The following TENM2 variants were observed in gnomAD, a reference collection of about 807,000 sequenced individuals.
TENM2 encodes the protein teneurin-2.
Under a neutral mutation model 245.2 loss-of-function variants are expected in TENM2, and 52 were observed. The ratio of observed to expected loss-of-function variants is 0.21; its 90% CI spans 0.17 to 0.27. The LOEUF is 0.27. Ranked by LOEUF, TENM2 falls within the 10% of genes least tolerant of loss-of-function variation. The probability of loss-of-function intolerance (pLI) is 1.00; values close to 1 mark genes in which losing one functional copy is unlikely to be tolerated. For missense variants in TENM2, 3,046 were observed against 3,666.8 expected (o/e 0.83, Z 4.37); for synonymous variants, 1,363 against 1,438.9 (o/e 0.95, Z 1.19).
At chr5:167,234,306 G>C in the TENM2 span, among the ~76,000 whole-genome samples, 2 of 151,924 alleles carry the variant, frequency 1.3e-5, no homozygotes, top group Admixed American at 1.3e-4. Flanking sequence ...CATCCTTCAT[G>C]TTTTACTCTT....
intron 13 of TENM2, among the ~76,000 whole-genome samples, chr5:168,174,538 T>C (rs1352042293): frequency 6.6e-6 from 1 of 152,202 alleles, no homozygotes; most frequent in Non-Finnish European, 1.5e-5. Flanking sequence ...CCTCAGAGTT[T>C]CAGATTCAGT....
chr5:167,594,742 A>C (rs1006394596), intron 2 of TENM2, among the ~76,000 whole-genome samples: 4 of 152,194 alleles, frequency 2.6e-5, no homozygotes, highest in African/African-American at 9.6e-5. Context: ...TGTCTTTTCA[A>C]ATAGAAAGAA....
intron 4 of TENM2, among the ~76,000 whole-genome samples, chr5:167,981,296 T>C (rs992473812): frequency 2.0e-5 from 3 of 152,180 alleles, no homozygotes; most frequent in African/African-American, 7.2e-5. Context: ...CTGCATGCAA[T>C]ATCTTCCCAT....
At chr5:167,125,229 G>A in the TENM2 span, among the ~76,000 whole-genome samples, 64 of 152,328 alleles carry the variant, frequency 4.2e-4, no homozygotes, top group Non-Finnish European at 7.1e-4. Flanking sequence ...GGCCAAAAGC[G>A]ATTGAAGGCA....
At chr5:167,332,421 G>A (rs1757512722) in intron 1 of TENM2, among the ~76,000 whole-genome samples, 1 of 152,122 alleles carries the variant, frequency 6.6e-6, no homozygotes, top group Admixed American at 6.5e-5. Flanking sequence ...GGATCATGAT[G>A]AGGGTTTCTT....
intron 2 of TENM2, among the ~76,000 whole-genome samples, chr5:167,468,468 A>G (rs1364062333): frequency 6.6e-6 from 1 of 152,238 alleles, no homozygotes; most frequent in Non-Finnish European, 1.5e-5. Context: ...TCATGTGTTG[A>G]AAATGGGAAT....
chr5:167,791,717 T>C (rs1297164035), intron 2 of TENM2, among the ~76,000 whole-genome samples: 1 of 151,864 alleles, frequency 6.6e-6, no homozygotes, highest in Non-Finnish European at 1.5e-5. Flanking sequence ...ATCAAACCTG[T>C]CTTGTATGAC....
Position 167,460,525 on chromosome 5 carries a change from C to G in TENM2, c.502+85052C>G, listed in dbSNP as rs867670428. Among the ~76,000 whole-genome samples the G allele has an allele frequency of 2.0e-5, 3 of 152,200 alleles. No individual in the cohort carries two copies. In the Middle Eastern group the frequency reaches 0.01, roughly 521 times the overall value. On this transcript the variant is annotated intron_variant, in intron 2 of 28. Transcript: ENST00000518659. ...GTGAAAGACGTAAGTTCATCTCTCT[C>G]TAACTCTCCATAGTTCTTAACATAG...
chr5:167,875,578 G>C (rs568818554), intron 2 of TENM2, among the ~76,000 whole-genome samples: 22 of 152,162 alleles, frequency 1.4e-4, no homozygotes, highest in Non-Finnish European at 2.6e-4. Flanking sequence ...CATTCTGGCT[G>C]CTGTGGAGGT....
At chr5:167,061,080 T>G in the TENM2 span, among the ~76,000 whole-genome samples, 1 of 97,480 alleles carries the variant, frequency 1.0e-5, no homozygotes, top group Admixed American at 1.4e-4. Flanking sequence ...GCGTGATTAA[T>G]CTCTCTCCAA....
chr5:167,296,890 A>T (rs575175810), intron 1 of TENM2, among the ~76,000 whole-genome samples: 3 of 152,278 alleles, frequency 2.0e-5, no homozygotes, highest in South Asian at 4.1e-4. Context: ...CAGTAAGGGG[A>T]CAATGACTGT....
At chr5:167,521,431 G>A (rs541037590) in intron 2 of TENM2, among the ~76,000 whole-genome samples, 12 of 152,258 alleles carry the variant, frequency 7.9e-5, no homozygotes, top group South Asian at 2.1e-4. Context: ...AGGCTCTGGC[G>A]TAGCTAGAAT....
chr5:167,333,472 A>G (rs911816673), intron 1 of TENM2, among the ~76,000 whole-genome samples: 3 of 152,206 alleles, frequency 2.0e-5, no homozygotes, highest in African/African-American at 7.2e-5. Context: ...AGAAAAATAA[A>G]TATTTTAGAT....
At chr5:168,152,050 A>T (rs1055518350) in intron 12 of TENM2, among the ~76,000 whole-genome samples, 1 of 152,190 alleles carries the variant, frequency 6.6e-6, no homozygotes, top group African/African-American at 2.4e-5. Flanking sequence ...TCCACCATGA[A>T]CCCACCCTGC....
rs1340071350 is a variant in TENM2 at position 168,170,395 on chromosome 5, T to C, written c.2569+7638T>C. On this transcript the variant is annotated intron_variant, in intron 13 of 28. Coordinates refer to ENST00000518659, the Ensembl canonical transcript of TENM2. Reference sequence around the variant, plus strand: ...GGCTCACACCTGTAGTCCCAGCTACTCAGGAAGCTGAGGCATGAGAATCGC... The same window carrying C: ...GGCTCACACCTGTAGTCCCAGCTACCCAGGAAGCTGAGGCATGAGAATCGC... Among the ~76,000 whole-genome samples, 5 of 152,140 alleles carry C rather than the reference T, an allele frequency of 3.3e-5. No homozygotes were observed. In the East Asian group the frequency reaches 9.7e-4, roughly 29 times the overall value.
Position 168,203,932 on chromosome 5 carries a change from G to T in TENM2, c.3574+100G>T, listed in dbSNP as rs922069792. The T allele has an allele frequency of 2.3e-5, 25 of 1,096,072 alleles. No homozygotes were observed. In the African/African-American group the frequency reaches 3.7e-4, roughly 16 times the overall value. 67.9% of individuals were successfully genotyped at this position (1,096,072 alleles called of 1,614,324 possible). A position where few individuals can be genotyped will look rare whatever the true frequency, so the allele number is the denominator to read the frequency against. On this transcript the variant is annotated intron_variant, in intron 18 of 28. Coordinates refer to ENST00000518659, the Ensembl canonical transcript of TENM2. ...AAGTGATCACACCTCCCCTTCCCTG[G>T]GTCATTTTTTCATCAAGTGCCCAAA...
chr5:168,143,942 C>T (rs976074852), intron 12 of TENM2, among the ~76,000 whole-genome samples: 10 of 149,950 alleles, frequency 6.7e-5, no homozygotes, highest in South Asian at 2.1e-4. Flanking sequence ...CTCCGTTTCC[C>T]GGGTTCAAGA....
chr5:167,356,643 A>C (rs999757087), intron 1 of TENM2, among the ~76,000 whole-genome samples: 15 of 152,160 alleles, frequency 9.9e-5, no homozygotes, highest in African/African-American at 3.6e-4. Flanking sequence ...AGGGGAGTAC[A>C]CTGTTTGTGC....
At chr5:167,425,441 A>T (rs1763754500) in intron 2 of TENM2, among the ~76,000 whole-genome samples, 1 of 152,120 alleles carries the variant, frequency 6.6e-6, no homozygotes, top group Non-Finnish European at 1.5e-5. Flanking sequence ...AACAAATAGC[A>T]CTCAGTGAGG....
Sources: gnomAD v4.1 joint callset for allele counts (sites outside exome capture counted in the v4.1 genomes callset) on GRCh38, gnomAD v4.1.1 for gene constraint, MANE v1.5 for transcripts, NCBI Gene and HGNC (gene_info 2026-07-23, HGNC 2026-07-21) for gene names.